The following SAP130 variants were observed in gnomAD, a reference collection of about 807,000 sequenced individuals.
SAP130 encodes the protein Sin3A associated protein 130.
In SAP130, 16 loss-of-function variants were observed where a neutral mutation model predicts 103.2. That is an observed-to-expected ratio of 0.16 (90% CI 0.10 to 0.24). SAP130 has a LOEUF of 0.24. Among genes scored for constraint, SAP130 ranks in the 10% least tolerant of loss-of-function variants. The pLI, the probability that SAP130 is intolerant of heterozygous loss-of-function variation, is 1.00. For missense variants in SAP130, 990 were observed against 1,359.7 expected, an observed-to-expected ratio of 0.73 and a Z score of 4.28; for synonymous variants, 477 against 497.0, an observed-to-expected ratio of 0.96 and a Z score of 0.53.
intron 1 of SAP130, chr2:128,027,009 G>A (rs780865399): frequency 6.4e-6 from 8 of 1,257,712 alleles, no homozygotes; most frequent in South Asian, 2.5e-5. Flanking sequence ...ACACCTCGGA[G>A]TGTGAGACCC....
chr2:128,008,945 A>G (rs1403288578), intron 7 of SAP130, among the ~76,000 whole-genome samples: 1 of 152,046 alleles, frequency 6.6e-6, no homozygotes, highest in African/African-American at 2.4e-5. Context: ...TCAGCCTCCC[A>G]AAGTGCTGAG....
intron 6 of SAP130, among the ~76,000 whole-genome samples, chr2:128,011,800 C>A (rs1193986947): frequency 6.6e-6 from 1 of 152,158 alleles, no homozygotes; most frequent in Non-Finnish European, 1.5e-5. Context: ...TGTGATTCAG[C>A]TAGATTAATC....
chr2:128,009,687 C>A (rs1184994630), intron 7 of SAP130, among the ~76,000 whole-genome samples: 1 of 152,120 alleles, frequency 6.6e-6, no homozygotes, highest in Non-Finnish European at 1.5e-5. Context: ...CATGCCCCAG[C>A]CGAGTCCATG....
intron 15 of SAP130, among the ~76,000 whole-genome samples, chr2:127,966,044 G>A (rs765656596): frequency 6.6e-6 from 1 of 151,992 alleles, no homozygotes; most frequent in Non-Finnish European, 1.5e-5. Flanking sequence ...ATTCTTAACT[G>A]TTAAAACTTC....
Position 128,016,525 on chromosome 2 carries a change from G to A in SAP130, c.371C>T (p.Pro124Leu). ...LMKPPPKPTM[P>L]SRPIAPAPPS... Reference sequence around the variant, plus strand: ...TGGAGCAGGAGCAATGGGACGGCTAGGCATGGTGGGCTTCGGGGGCGGCTG... The same window carrying A: ...TGGAGCAGGAGCAATGGGACGGCTAAGCATGGTGGGCTTCGGGGGCGGCTG... The change falls in exon 4 of 21, where the codon CCT becomes CTT. Residue 124 changes from proline (P) to leucine (L), a missense_variant. Pro to Leu is a moderately conservative substitution (Grantham distance 98). Transcript: ENST00000643581. 1 of 1,612,660 alleles carries A rather than the reference G, an allele frequency of 6.2e-7. No individual in the cohort carries two copies. The highest frequency in any genetic ancestry group is 1.1e-5 in the South Asian group (1 of 90,898).
At chr2:127,949,386 A>C (rs1183079566) in intron 18 of SAP130, among the ~76,000 whole-genome samples, 4 of 152,258 alleles carry the variant, frequency 2.6e-5, no homozygotes, top group African/African-American at 9.6e-5. Context: ...AGAACAACAG[A>C]ACATTCATTG....
chr2:127,967,286 G>A (rs2104844425), intron 15 of SAP130, among the ~76,000 whole-genome samples: 1 of 152,322 alleles, frequency 6.6e-6, no homozygotes, highest in South Asian at 2.1e-4. Context: ...AAGAGAAAAA[G>A]AAACAGCAAT....
At chr2:127,948,395 G>C (rs370963149) in intron 18 of SAP130, among the ~76,000 whole-genome samples, 1 of 144,332 alleles carries the variant, frequency 6.9e-6, no homozygotes, top group South Asian at 2.2e-4. Context: ...GTGTGGTAGC[G>C]GTGGTGCGAT....
intron 8 of SAP130, 49 bp downstream of exon 8, chr2:128,000,258 T>G: frequency 1.2e-6 from 2 of 1,612,580 alleles, no homozygotes; most frequent in Non-Finnish European, 1.7e-6. Context: ...TGCCCACTTT[T>G]GGTTTTACCC....
chr2:127,978,434 T>C (rs530742443), intron 14 of SAP130, among the ~76,000 whole-genome samples: 1 of 152,320 alleles, frequency 6.6e-6, no homozygotes, highest in South Asian at 2.1e-4. Flanking sequence ...GACATCCATA[T>C]TAAGTGTTTA....
At chr2:127,954,690 A>C (rs1679710932) in intron 16 of SAP130, among the ~76,000 whole-genome samples, 1 of 152,214 alleles carries the variant, frequency 6.6e-6, no homozygotes, top group African/African-American at 2.4e-5. Flanking sequence ...TACTTTCTTA[A>C]TACTACTAGG....
chr2:127,987,368 T>C (rs1682477435), intron 13 of SAP130, among the ~76,000 whole-genome samples: 1 of 152,248 alleles, frequency 6.6e-6, no homozygotes, highest in Middle Eastern at 3.4e-3. Context: ...TATTTTTTAG[T>C]AGAGACGGGG....
At chr2:127,997,665 G>A (rs977264159) in intron 10 of SAP130, among the ~76,000 whole-genome samples, 1 of 152,174 alleles carries the variant, frequency 6.6e-6, no homozygotes, top group African/African-American at 2.4e-5. Context: ...GGGCAACTAA[G>A]CCTTGTTTTT....
intron 5 of SAP130, among the ~76,000 whole-genome samples, chr2:128,014,538 T>C (rs1348604520): frequency 1.3e-5 from 2 of 152,220 alleles, no homozygotes; most frequent in Non-Finnish European, 2.9e-5. Context: ...GGTTTCGCCA[T>C]GTTGCCCAGG....
At chr2:127,991,002 G>A (rs1682757599) in intron 12 of SAP130, among the ~76,000 whole-genome samples, 1 of 150,888 alleles carries the variant, frequency 6.6e-6, no homozygotes, top group Non-Finnish European at 1.5e-5. Flanking sequence ...TGTGATCCCA[G>A]CACTTTGGGA....
chr2:128,019,040 A>G (rs1684976493), intron 2 of SAP130, among the ~76,000 whole-genome samples: 1 of 151,622 alleles, frequency 6.6e-6, no homozygotes, highest in South Asian at 2.1e-4. Flanking sequence ...GGGAGGCTGC[A>G]GTGAGCTGAG....
intron 15 of SAP130, among the ~76,000 whole-genome samples, chr2:127,960,073 C>T (rs192785277): frequency 1.2e-3 from 179 of 151,966 alleles, no homozygotes; most frequent in Middle Eastern, 3.4e-3. Context: ...TCAATGAGGC[C>T]GAAGATGGAT....
At chr2:127,992,464 G>A (rs1003691537) in intron 12 of SAP130, among the ~76,000 whole-genome samples, 13 of 151,902 alleles carry the variant, frequency 8.6e-5, no homozygotes. Flanking sequence ...ATTTTTAGTA[G>A]AGACAGGGTT....
intron 14 of SAP130, among the ~76,000 whole-genome samples, chr2:127,984,404 T>TA (rs1682223376): frequency 6.6e-6 from 1 of 152,242 alleles, no homozygotes. Context: ...CTTCCACCGT[T>TA]AGAGGTCCCC....
Sources: gnomAD v4.1 joint callset for allele counts (sites outside exome capture counted in the v4.1 genomes callset) on GRCh38, gnomAD v4.1.1 for gene constraint, MANE v1.5 for transcripts, NCBI Gene and HGNC (gene_info 2026-07-23, HGNC 2026-07-21) for gene names.